The following FLACC1 variants were observed in gnomAD, a reference collection of about 807,000 sequenced individuals.
FLACC1 encodes flagellum-associated coiled-coil domain-containing protein 1.
Under a neutral mutation model 62.8 loss-of-function variants are expected in FLACC1, and 66 were observed. The ratio of observed to expected loss-of-function variants is 1.05; its 90% CI spans 0.86 to 1.29. The LOEUF is 1.29. FLACC1 is among the 50% of genes most tolerant of loss of function. The pLI, the probability that FLACC1 is intolerant of heterozygous loss-of-function variation, is 0.00. For missense variants in FLACC1, 452 were observed against 489.1 expected, an observed-to-expected ratio of 0.92 and a Z score of 0.71; for synonymous variants, 156 against 161.0, an observed-to-expected ratio of 0.97 and a Z score of 0.24.
intron 6 of FLACC1, 85 bp from the exon 7 acceptor site, chr2:201,342,516 AT>A (rs1559416533): frequency 5.8e-6 from 8 of 1,381,080 alleles, no homozygotes; most frequent in Non-Finnish European, 8.2e-6. Flanking sequence ...CTTCCAATTT[AT>A]GGGGCACAGC....
chr2:201,332,821 G>A (rs1299606258), intron 7 of FLACC1, among the ~76,000 whole-genome samples: 1 of 150,874 alleles, frequency 6.6e-6, no homozygotes, highest in Non-Finnish European at 1.5e-5. Context: ...TTGTCTTCCT[G>A]TGCCCGGTTT....
In FLACC1 at chr2:201,309,243, AT is replaced by A; in HGVS notation, c.682del (p.Ile228PhefsTer35). ...KNMFRTYQDSIYDEMEEKWSK... is the reference protein window; with the variant it reads ...KNMFRTYQDSXYDEMEEKWSK... ...CCACTTCTCTTCCATTTCATCATAA[AT>A]ACTGTCCTGGGGAGGTACAAAGGCA... is the stretch of plus-strand genomic sequence containing the variant. On this transcript the variant is annotated frameshift_variant, in exon 10 of 15. Coordinates refer to ENST00000392257, the MANE Select transcript of FLACC1 (RefSeq NM_001127391.3). LOFTEE classifies it high-confidence loss of function. 2 of 1,612,850 alleles carry A rather than the reference AT, an allele frequency of 1.2e-6. No homozygotes were observed. The highest frequency in any genetic ancestry group is 1.7e-6 in the Non-Finnish European group (2 of 1,178,908).
rs200534987 is a variant in FLACC1, at chr2:201,351,381, G to A, written c.24C>T (p.Tyr8=). MYPNPLI[Y]CTCWDPWNLG... ...AGTTCCAGGGGTCCCAGCAGGTGCA[G>A]TAGATGAGAGGGTTGGGGTACATGG... Residue 8 remains tyrosine (Y), a synonymous_variant, in exon 2 of 15, where the codon TAC becomes TAT. Transcript: ENST00000392257. 1 of 1,614,066 alleles carries A rather than the reference G, an allele frequency of 6.2e-7. No individual in the cohort carries two copies. Among genetic ancestry groups the A allele is most frequent in the East Asian group, 2.2e-5 (1 of 44,882 alleles).
rs191192499 is a variant in FLACC1 at position 201,317,030 on chromosome 2, G to T, written c.676-7780C>A. ...ATGATTAAAACTCTCAGCAAAACTA[G>T]CATACAAGGGCCATACCTCAATGTA... On this transcript the variant is annotated intron_variant, in intron 9 of 14. Coordinates refer to ENST00000392257, the MANE Select transcript of FLACC1 (RefSeq NM_001127391.3). Among the ~76,000 whole-genome samples, 50 of 152,196 alleles carry T rather than the reference G, an allele frequency of 3.3e-4. No individual in the cohort carries two copies. In the East Asian group the frequency reaches 6.4e-3, roughly 19 times the overall value.
intron 9 of FLACC1, among the ~76,000 whole-genome samples, chr2:201,329,270 T>C (rs752208355): frequency 2.6e-5 from 4 of 151,956 alleles, no homozygotes. Flanking sequence ...ATTAGAATGG[T>C]TATTATTAAA....
intron 14 of FLACC1, 82 bp from the exon 15 acceptor site, chr2:201,288,863 A>T: frequency 6.6e-7 from 1 of 1,510,770 alleles, no homozygotes; most frequent in Non-Finnish European, 8.9e-7. Context: ...AGGGAGAGAA[A>T]TGTGCCTTCG....
In FLACC1 at chr2:201,309,196, TC is replaced by T; in HGVS notation, c.729del (p.Trp243Ter). On this transcript the variant is annotated frameshift_variant, in exon 10 of 15. Coordinates refer to ENST00000392257, the MANE Select transcript of FLACC1 (RefSeq NM_001127391.3). LOFTEE classifies it high-confidence loss of function. ...EEKWSKQKAK[W>X]KKDEKFEREN... ...TCTCGCTCGAACTTCTCATCCTTCTTCCATTTCGCCTTCTGTTTTGACCACT... is the reference window on the plus strand; with the variant it reads ...TCTCGCTCGAACTTCTCATCCTTCTTCATTTCGCCTTCTGTTTTGACCACT... 6.2e-7 allele frequency: 1 copy of T among 1,614,148 alleles called. No homozygotes were observed. Among genetic ancestry groups the T allele is most frequent in the East Asian group, 2.2e-5 (1 of 44,886 alleles).
Position 201,346,594 on chromosome 2 carries a change from C to A in FLACC1, c.316G>T (p.Asp106Tyr). 6.2e-7 allele frequency: 1 copy of A among 1,614,228 alleles called. No homozygotes were observed. Reference sequence around the variant, plus strand: ...TCCGATTCCCACCGCTTTTTCCTATCAAACATCTCATCCCCTAAGGTGACA... The same window carrying A: ...TCCGATTCCCACCGCTTTTTCCTATAAAACATCTCATCCCCTAAGGTGACA... ...ISVTLGDEMF[D>Y]RKKRWESEIP... Residue 106 changes from aspartate to tyrosine, a missense_variant, in exon 5 of 15, where the codon GAT becomes TAT. By Grantham distance (160) the Asp-to-Tyr change is radical (BLOSUM62 -3). This residue lies in a region of FLACC1 where 147 missense variants were observed against 152.7 expected (regional missense o/e 0.96). Transcript: ENST00000392257. This position sits in a 1 kb window ranked among gnomAD's most constrained non-coding sequence, Gnocchi z 4.0.
At chr2:201,297,251 AGAGGCAAGGCTG>A (rs1265190070) in intron 12 of FLACC1, among the ~76,000 whole-genome samples, 4 of 152,098 alleles carry the variant, frequency 2.6e-5, no homozygotes, top group Non-Finnish European at 4.4e-5. Flanking sequence ...AGCTCAGGAG[AGAGGCAAGGCTG>A]GAGGTATCAA....
At chr2:201,323,805 T>TAAAA (rs1576447085) in intron 9 of FLACC1, among the ~76,000 whole-genome samples, 14 of 79,364 alleles carry the variant, frequency 1.8e-4, no homozygotes, top group South Asian at 1.1e-3. Context: ...AAAAAAAAAG[T>TAAAA]AAGGAAGGAA....
chr2:201,297,160 G>T (rs544080149), intron 12 of FLACC1, among the ~76,000 whole-genome samples: 1 of 152,290 alleles, frequency 6.6e-6, no homozygotes, highest in African/African-American at 2.4e-5. Flanking sequence ...TGAGAGTGTG[G>T]AACTGGGCAT....
intron 7 of FLACC1, among the ~76,000 whole-genome samples, chr2:201,341,190 C>G (rs1019926448): frequency 2.6e-5 from 4 of 152,008 alleles, no homozygotes; most frequent in Admixed American, 6.6e-5. Context: ...CAGATAAAGT[C>G]TATAGATAAA....
Position 201,288,687 on chromosome 2 carries a change from G to A in FLACC1, c.1237C>T (p.Gln413Ter), listed in dbSNP as rs148219597. The change falls in exon 15 of 15, where the codon CAA becomes TAA. Residue 413 changes from glutamine (Q) to a stop codon, truncating the protein, a stop_gained. Coordinates refer to ENST00000392257, the MANE Select transcript of FLACC1 (RefSeq NM_001127391.3). LOFTEE classifies it low-confidence loss of function (END_TRUNC). Reference sequence around the variant, plus strand: ...TCTTGTCCTTTCTTGCTACCATCTTGCACAGTGTCAGAATCATCCTTAGAA... The same window carrying A: ...TCTTGTCCTTTCTTGCTACCATCTTACACAGTGTCAGAATCATCCTTAGAA... Reference protein sequence around the residue: ...TVSKDDSDTVQDGSKKGQES With the variant: ...TVSKDDSDTV 3.1e-6 allele frequency: 5 copies of A among 1,613,796 alleles called. No homozygotes were observed. The highest frequency in any genetic ancestry group is 1.7e-5 in the Admixed American group (1 of 59,982).
intron 4 of FLACC1, chr2:201,348,024 G>T: frequency 2.4e-6 from 1 of 419,584 alleles, no homozygotes; most frequent in Non-Finnish European, 4.3e-6. Flanking sequence ...CTTGTGCAAG[G>T]CAGGAGAGAG....
Position 201,330,467 on chromosome 2 carries a change from C to T in FLACC1, c.675+3G>A, listed in dbSNP as rs550939186. ...TAATCCAACAGGGAGCTGTGTATCTCACCTGATACGTACGAAACATATTCT... is the reference window on the plus strand; with the variant it reads ...TAATCCAACAGGGAGCTGTGTATCTTACCTGATACGTACGAAACATATTCT... On this transcript the variant is annotated splice_donor_region_variant and intron_variant, in intron 9 of 14. Coordinates refer to ENST00000392257, the MANE Select transcript of FLACC1 (RefSeq NM_001127391.3). 30 of 1,612,964 alleles carry T rather than the reference C, an allele frequency of 1.9e-5. No individual in the cohort carries two copies. In the South Asian group the frequency reaches 3.2e-4, roughly 17 times the overall value.
chr2:201,327,458 T>C (rs1444727044), intron 9 of FLACC1, among the ~76,000 whole-genome samples: 1 of 148,998 alleles, frequency 6.7e-6, no homozygotes, highest in African/African-American at 2.5e-5. Flanking sequence ...TTCAAACAAA[T>C]CAGCAAGAAA....
rs1338302391 is a variant in FLACC1 at position 201,330,452 on chromosome 2, G to T, written c.675+18C>A. ...GCCTTCCTTCTCTTGTAATCCAACA[G>T]GGAGCTGTGTATCTCACCTGATACG... On this transcript the variant is annotated intron_variant, in intron 9 of 14. Coordinates refer to ENST00000392257, the MANE Select transcript of FLACC1 (RefSeq NM_001127391.3). 1 of 1,608,654 alleles carries T rather than the reference G, an allele frequency of 6.2e-7. No homozygotes were observed. The highest frequency in any genetic ancestry group is 1.3e-5 in the African/African-American group (1 of 74,664).
chr2:201,334,424 T>C (rs1950653625), intron 7 of FLACC1, among the ~76,000 whole-genome samples: 1 of 152,212 alleles, frequency 6.6e-6, no homozygotes, highest in Non-Finnish European at 1.5e-5. Context: ...GATTTTGGCC[T>C]GTAATTTTAT....
At chr2:201,288,810 T>G (rs1446849778) in intron 14 of FLACC1, 29 bp from the exon 15 acceptor site, 2 of 1,608,960 alleles carry the variant, frequency 1.2e-6, no homozygotes, top group African/African-American at 1.3e-5. Flanking sequence ...GATGTATCAA[T>G]GTCAACTCAA....
Sources: allele counts gnomAD v4.1 joint callset (sites outside exome capture counted in the v4.1 genomes callset), GRCh38; gene constraint gnomAD v4.1.1; regional missense constraint gnomAD v4.1.1; non-coding constraint Gnocchi (gnomAD v3.1); transcripts MANE v1.5; gene names NCBI Gene and HGNC (gene_info 2026-07-23, HGNC 2026-07-21).